The following ARHGAP6 variants were observed in gnomAD, a reference collection of about 807,000 sequenced individuals.
ARHGAP6 encodes the protein rho GTPase-activating protein 6.
A neutral mutation model predicts 55.7 loss-of-function variants in ARHGAP6; 16 were observed. The ratio of observed to expected loss-of-function variants is 0.29; its 90% CI spans 0.19 to 0.44. ARHGAP6 has a LOEUF of 0.44. Ranked by LOEUF, ARHGAP6 falls within the 20% of genes least tolerant of loss-of-function variation. The pLI is 1.00. For missense variants in ARHGAP6, 698 were observed against 808.9 expected (o/e 0.86, Z 1.66); for synonymous variants, 382 against 360.9 (o/e 1.06, Z -0.66).
At chrX:11,392,322 T>C (rs777733270) in intron 1 of ARHGAP6, among the ~76,000 whole-genome samples, 1 of 111,619 alleles carries the variant, frequency 9.0e-6, no homozygotes, top group South Asian at 3.8e-4. Flanking sequence ...AGCCTCCTCC[T>C]ATGTACCATT....
In ARHGAP6 at chrX:11,664,864, C is replaced by G; in HGVS notation, c.-36G>C. ...CTGCACCTGAGGACCACCTCCTCCT[C>G]CCTCCCTGGACGCTGGTGGCTTTGG... On this transcript the variant is annotated 5_prime_UTR_variant, in exon 1 of 13. Coordinates refer to ENST00000337414, the MANE Select transcript of ARHGAP6 (RefSeq NM_013427.3). 1.8e-6 allele frequency: 2 copies of G among 1,122,719 alleles called. No homozygotes were observed. Among genetic ancestry groups the G allele is most frequent in the Non-Finnish European group, 1.2e-6 (1 of 843,292 alleles). The allele number at this position is 1,122,719 out of a possible 1,213,427, so 92.5% of individuals were successfully genotyped here.
chrX:11,145,327 A>C lies in ARHGAP6; in HGVS notation c.1908-1079T>G, dbSNP rs73496333. ...TGTGCATGCAAACTGGAGGAAGTGC[A>C]TTCACAGGGATCTAGCTTCCTCTGA... On this transcript the variant is annotated intron_variant, in intron 10 of 12. Coordinates refer to ENST00000337414, the MANE Select transcript of ARHGAP6 (RefSeq NM_013427.3). 7.0e-3 allele frequency among the ~76,000 whole-genome samples: 785 copies of C among 112,344 alleles called. 5 individuals carry two copies. Among genetic ancestry groups the C allele is most frequent in the African/African-American group, 0.024 (745 of 30,941 alleles).
chrX:11,558,250 C>T (rs959537574), intron 1 of ARHGAP6, among the ~76,000 whole-genome samples: 2 of 111,586 alleles, frequency 1.8e-5, no homozygotes, highest in Admixed American at 9.6e-5. Flanking sequence ...TGGGCTTCAT[C>T]GTTGACTGGA....
intron 10 of ARHGAP6, among the ~76,000 whole-genome samples, chrX:11,152,916 G>C (rs1276865874): frequency 9.0e-6 from 1 of 111,681 alleles, no homozygotes; most frequent in African/African-American, 3.3e-5. Flanking sequence ...AATCTCTGAG[G>C]GGTGGCCCAG....
chrX:11,557,218 C>T (rs2051328425), intron 1 of ARHGAP6, among the ~76,000 whole-genome samples: 1 of 112,006 alleles, frequency 8.9e-6, no homozygotes, highest in Admixed American at 9.5e-5. Flanking sequence ...ATGTAAAAGT[C>T]TTTTCTGGAA....
chrX:11,314,359 A>T (rs761348457), intron 1 of ARHGAP6, among the ~76,000 whole-genome samples: 27 of 112,159 alleles, frequency 2.4e-4, no homozygotes, highest in Non-Finnish European at 4.1e-4. Context: ...ATTGATCATA[A>T]CAGAACTTCT....
At chrX:11,374,532 C>A (rs1382509404) in intron 1 of ARHGAP6, among the ~76,000 whole-genome samples, 1 of 111,943 alleles carries the variant, frequency 8.9e-6, no homozygotes, top group African/African-American at 3.3e-5. Context: ...ACCATTTCTT[C>A]TCTTAATTCC....
chrX:11,372,704 G>A (rs951019000), intron 1 of ARHGAP6, among the ~76,000 whole-genome samples: 1 of 102,696 alleles, frequency 9.7e-6, no homozygotes, highest in Non-Finnish European at 2.0e-5. Flanking sequence ...CCTAGGAGGC[G>A]GAGCTTGCAG....
At chrX:11,574,034 G>T (rs1443147547) in intron 1 of ARHGAP6, among the ~76,000 whole-genome samples, 1 of 111,350 alleles carries the variant, frequency 9.0e-6, no homozygotes, top group African/African-American at 3.3e-5. Context: ...GGAAGAAGTT[G>T]AATCTCTGAA....
intron 1 of ARHGAP6, among the ~76,000 whole-genome samples, chrX:11,430,753 A>G (rs2049933319): frequency 8.9e-6 from 1 of 111,880 alleles, no homozygotes; most frequent in Non-Finnish European, 1.9e-5. Flanking sequence ...TTAAATTTTA[A>G]TTTGTATAAA....
chrX:11,597,555 C>T (rs747951954), intron 1 of ARHGAP6, among the ~76,000 whole-genome samples: 11 of 111,637 alleles, frequency 9.9e-5, no homozygotes, highest in Non-Finnish European at 2.1e-4. Flanking sequence ...ACTTTGAATC[C>T]CCATGGGAGA....
chrX:11,148,585 C>A, intron 10 of ARHGAP6: 1 of 346,510 alleles, frequency 2.9e-6, no homozygotes, highest in East Asian at 8.1e-5. Context: ...TCTCAGCTAA[C>A]CAGACAAGCA....
intron 3 of ARHGAP6, among the ~76,000 whole-genome samples, chrX:11,190,473 A>ATATATATATATACACACACATATATATG (rs1555967766): frequency 1.0e-5 from 1 of 100,374 alleles, no homozygotes; most frequent in Non-Finnish European, 2.0e-5. Flanking sequence ...ATATATATAT[A>ATATATATATATACACACACATATATATG]TATATATACA....
intron 1 of ARHGAP6, among the ~76,000 whole-genome samples, chrX:11,548,849 T>C (rs1007217220): frequency 4.5e-5 from 5 of 111,703 alleles, no homozygotes; most frequent in Non-Finnish European, 7.5e-5. Flanking sequence ...CCTCAGGTGA[T>C]CCACCTGCCT....
chrX:11,420,080 A>C (rs1425321652), intron 1 of ARHGAP6, among the ~76,000 whole-genome samples: 1 of 112,135 alleles, frequency 8.9e-6, no homozygotes, highest in African/African-American at 3.2e-5. Flanking sequence ...TGGAAGTGGA[A>C]GAGTCTTCAG....
At chrX:11,159,725 C>A (rs1020060800) in intron 9 of ARHGAP6, among the ~76,000 whole-genome samples, 2 of 111,003 alleles carry the variant, frequency 1.8e-5, no homozygotes, top group Non-Finnish European at 3.8e-5. Flanking sequence ...TAGGAGAGGT[C>A]TGGGTTGAAC....
chrX:11,543,571 A>G (rs1335268799), intron 1 of ARHGAP6, among the ~76,000 whole-genome samples: 2 of 112,294 alleles, frequency 1.8e-5, no homozygotes, highest in Non-Finnish European at 3.8e-5. Context: ...CCCAGTTTAG[A>G]CAATGCAAAG....
chrX:11,168,475 C>T (rs1051049236), intron 9 of ARHGAP6, among the ~76,000 whole-genome samples: 58 of 111,872 alleles, frequency 5.2e-4, no homozygotes, highest in African/African-American at 1.8e-3. Flanking sequence ...AGGTAAGACA[C>T]AGAGGGCAAA....
intron 1 of ARHGAP6, among the ~76,000 whole-genome samples, chrX:11,284,544 G>A (rs1452584114): frequency 8.9e-6 from 1 of 111,901 alleles, no homozygotes; most frequent in Non-Finnish European, 1.9e-5. Context: ...ACACTTGTGG[G>A]CAAAAATAGC....
Sources: allele counts gnomAD v4.1 joint callset (sites outside exome capture counted in the v4.1 genomes callset), GRCh38; gene constraint gnomAD v4.1.1; transcripts MANE v1.5; gene names NCBI Gene and HGNC (gene_info 2026-07-23, HGNC 2026-07-21).